Variants in DDAH1 observed in about 807,000 individuals in gnomAD.
DDAH1 encodes dimethylarginine dimethylaminohydrolase 1, also known as N(G),N(G)-dimethylarginine dimethylaminohydrolase 1.
Under a neutral mutation model 28.8 loss-of-function variants are expected in DDAH1, and 19 were observed. The ratio of observed to expected loss-of-function variants is 0.66; its 90% CI spans 0.46 to 0.97. The LOEUF is 0.97. Among genes scored for constraint, DDAH1 ranks in the 50% least tolerant of loss-of-function variants. The probability of loss-of-function intolerance (pLI) is 0.00; values close to 1 mark genes in which losing one functional copy is unlikely to be tolerated. For synonymous variants in DDAH1, 153 were observed against 154.4 expected, an observed-to-expected ratio of 0.99 and a Z score of 0.07; for missense variants, 326 against 375.9, an observed-to-expected ratio of 0.87 and a Z score of 1.10.
At chr1:85,482,418 C>T (rs1371269168) in intron 2 of DDAH1, 1 of 152,110 alleles carries the variant, frequency 6.6e-6, no homozygotes, top group East Asian at 1.9e-4. Context: ...ATGTTGCTTT[C>T]CAATTAAAAA....
At chr1:85,486,861 C>G (rs1656222788) in intron 2 of DDAH1, among the ~76,000 whole-genome samples, 1 of 152,120 alleles carries the variant, frequency 6.6e-6, no homozygotes, top group Non-Finnish European at 1.5e-5. Context: ...TCAAAATGAG[C>G]AGATGTGGGT....
chr1:85,566,801 C>T (rs1001480997), intron 1 of DDAH1, among the ~76,000 whole-genome samples: 5 of 151,734 alleles, frequency 3.3e-5, no homozygotes, highest in South Asian at 4.2e-4. Context: ...CATGTGTGTA[C>T]GTGTGTGTAT....
intron 1 of DDAH1, among the ~76,000 whole-genome samples, chr1:85,365,245 C>T (rs890274158): frequency 2.0e-5 from 3 of 152,150 alleles, no homozygotes; most frequent in South Asian, 4.1e-4. Context: ...TTCTTTCCTA[C>T]ACAATATTGT....
upstream of DDAH1, among the ~76,000 whole-genome samples, chr1:85,466,468 C>G (rs924788526): frequency 6.6e-6 from 1 of 152,156 alleles, no homozygotes; most frequent in African/African-American, 2.4e-5. Flanking sequence ...AGGCTGGTCT[C>G]GAACTCCTGA....
intron 1 of DDAH1, among the ~76,000 whole-genome samples, chr1:85,537,594 T>C (rs1658335306): frequency 7.1e-6 from 1 of 140,534 alleles, no homozygotes; most frequent in Non-Finnish European, 1.5e-5. Flanking sequence ...GGTGTTCTAT[T>C]GCAGGGTAGG....
At chr1:85,331,477 AG>A (rs1175161444) in intron 4 of DDAH1, among the ~76,000 whole-genome samples, 1 of 151,836 alleles carries the variant, frequency 6.6e-6, no homozygotes, top group Non-Finnish European at 1.5e-5. Context: ...AAGCTAAACC[AG>A]TATTAAAAAC....
chr1:85,571,585 C>T (rs1570685105), intron 1 of DDAH1, among the ~76,000 whole-genome samples: 1 of 152,208 alleles, frequency 6.6e-6, no homozygotes, highest in South Asian at 2.1e-4. Flanking sequence ...TATTATTCCT[C>T]TTTGCATTGC....
At chr1:85,350,319 C>T (rs1415877320) in intron 4 of DDAH1, 96 bp downstream of exon 4, 1 of 1,499,434 alleles carries the variant, frequency 6.7e-7, no homozygotes, top group East Asian at 2.3e-5. Flanking sequence ...TCTCTCCCTG[C>T]CAACCCTGCT....
rs186215261 is a variant in DDAH1, at chr1:85,574,634, C to T, written c.-123+3350G>A. On this transcript the variant is annotated intron_variant, in intron 1 of 6. Transcript: ENST00000426972. The stretch of plus-strand genomic sequence containing the variant: ...ATATGCCTTACAGTCCTGCGGGGGA[C>T]GTTCAATATTAAAATCCTCTTTCTC... 2.0e-4 allele frequency among the ~76,000 whole-genome samples: 30 copies of T among 152,284 alleles called. No homozygotes were observed. In the East Asian group the frequency reaches 3.7e-3, roughly 19 times the overall value.
At chr1:85,324,441 T>G (rs773480625) in intron 5 of DDAH1, among the ~76,000 whole-genome samples, 5 of 152,136 alleles carry the variant, frequency 3.3e-5, no homozygotes, top group Non-Finnish European at 2.9e-5. Flanking sequence ...GGAAAGTACA[T>G]TTAATCAGAG....
intron 1 of DDAH1, among the ~76,000 whole-genome samples, chr1:85,424,631 T>G (rs1653308978): frequency 6.6e-6 from 1 of 152,070 alleles, no homozygotes; most frequent in Non-Finnish European, 1.5e-5. Flanking sequence ...TCTCCTTCCT[T>G]TTTAGTTCAC....
intron 1 of DDAH1, among the ~76,000 whole-genome samples, chr1:85,557,885 C>A (rs1022219159): frequency 6.7e-6 from 1 of 150,272 alleles, no homozygotes; most frequent in Non-Finnish European, 1.5e-5. Context: ...TCAGAAGAAA[C>A]CAACTCTGCT....
intron 1 of DDAH1, among the ~76,000 whole-genome samples, chr1:85,517,625 A>G (rs1657517604): frequency 6.6e-6 from 1 of 152,078 alleles, no homozygotes; most frequent in Non-Finnish European, 1.5e-5. Context: ...CCCCTTCCAA[A>G]GCAGAAGCTA....
At chr1:85,491,511 G>A (rs1656402139) in intron 2 of DDAH1, among the ~76,000 whole-genome samples, 1 of 152,184 alleles carries the variant, frequency 6.6e-6, no homozygotes, top group African/African-American at 2.4e-5. Context: ...CATGGAGAAA[G>A]CTCATCTGCA....
intron 1 of DDAH1, among the ~76,000 whole-genome samples, chr1:85,566,101 A>G (rs1240744116): frequency 6.6e-6 from 1 of 151,932 alleles, no homozygotes; most frequent in African/African-American, 2.4e-5. Flanking sequence ...AACAACCAAA[A>G]AACAAAAAAC....
intron 1 of DDAH1, among the ~76,000 whole-genome samples, chr1:85,403,584 C>A (rs933008867): frequency 5.9e-5 from 9 of 152,108 alleles, no homozygotes; most frequent in Non-Finnish European, 1.2e-4. Context: ...CCAAATTGCT[C>A]CTTAGTCAAT....
intron 2 of DDAH1, among the ~76,000 whole-genome samples, chr1:85,475,912 C>T (rs971738849): frequency 1.3e-5 from 2 of 152,162 alleles, no homozygotes; most frequent in Admixed American, 1.3e-4. Context: ...AGTGCAATGG[C>T]ACAATCTCGG....
intron 1 of DDAH1, among the ~76,000 whole-genome samples, chr1:85,401,914 G>T (rs948994449): frequency 1.3e-5 from 2 of 152,134 alleles, no homozygotes; most frequent in African/African-American, 2.4e-5. Context: ...TTACTTAAAA[G>T]AAAACATTTT....
At chr1:85,429,174 C>T (rs1050576650) in intron 1 of DDAH1, among the ~76,000 whole-genome samples, 1 of 150,780 alleles carries the variant, frequency 6.6e-6, no homozygotes, top group Non-Finnish European at 1.5e-5. Context: ...TAGCCTCCCA[C>T]CCCCCAGCAG....
Sources: gnomAD v4.1 joint callset for allele counts (sites outside exome capture counted in the v4.1 genomes callset) on GRCh38, gnomAD v4.1.1 for gene constraint, MANE v1.5 for transcripts, NCBI Gene and HGNC (gene_info 2026-07-23, HGNC 2026-07-21) for gene names.